STOX2: variants seen among roughly 807,000 people sequenced by gnomAD.
STOX2 encodes the protein storkhead box 2.
A neutral mutation model predicts 60.9 loss-of-function variants in STOX2; 28 were observed. The observed-to-expected ratio is 0.46, with a 90% CI of 0.34 to 0.63. The LOEUF is 0.63. Ranked by LOEUF, STOX2 falls within the 30% of genes least tolerant of loss-of-function variation. The pLI is 0.01. For synonymous variants in STOX2, 472 were observed against 463.9 expected (o/e 1.02, Z -0.22); for missense variants, 1,024 against 1,187.7 (o/e 0.86, Z 2.03).
chr4:183,979,899 G>A (rs1315503008), intron 1 of STOX2, among the ~76,000 whole-genome samples: 1 of 152,096 alleles, frequency 6.6e-6, no homozygotes, highest in Non-Finnish European at 1.5e-5. Context: ...TTTAGGCCCG[G>A]TCATGCCGAG....
At chr4:183,875,530 G>A (rs979257414) in intron 1 of STOX2, among the ~76,000 whole-genome samples, 1 of 152,222 alleles carries the variant, frequency 6.6e-6, no homozygotes, top group Non-Finnish European at 1.5e-5. Flanking sequence ...TCACTGTGTG[G>A]GAGCCCGAGG....
Position 183,915,497 on chromosome 4 carries a change from G to A in STOX2, c.166+8541G>A, listed in dbSNP as rs191775002. 2.5e-4 allele frequency among the ~76,000 whole-genome samples: 38 copies of A among 151,550 alleles called. No individual in the cohort carries two copies. In the East Asian group the frequency reaches 4.3e-3, roughly 17 times the overall value. On this transcript the variant is annotated intron_variant, in intron 1 of 3. Transcript: ENST00000308497. ...TCGGTGTCATTCCTCATTGTTACGC[G>A]TCGAATGTGTCCGCCCAAAAGATAG...
chr4:183,994,500 G>A (rs1733248234), intron 1 of STOX2, among the ~76,000 whole-genome samples: 1 of 152,162 alleles, frequency 6.6e-6, no homozygotes, highest in African/African-American at 2.4e-5. Context: ...TCAGATGAGT[G>A]TTAAAATAGT....
At position 183,906,054 on chromosome 4, in the gene STOX2, G is replaced by T. The variant is rs1303326581; in HGVS notation, c.-737G>T. 2 of 152,160 alleles carry T rather than the reference G, an allele frequency of 1.3e-5. No individual in the cohort carries two copies. Among genetic ancestry groups the T allele is most frequent in the Non-Finnish European group, 2.9e-5 (2 of 68,026 alleles). The allele number at this position is 152,160 out of a possible 1,614,324, so 9.4% of individuals were successfully genotyped here. A position where few individuals can be genotyped will look rare whatever the true frequency, so the allele number is the denominator to read the frequency against. ...ACGACGCGGGCTCTTCCTGGATTCC[G>T]CAGGAGCCCGCCCGCCGCAGCTGCT... On this transcript the variant is annotated 5_prime_UTR_variant, in exon 1 of 4. Transcript: ENST00000308497.
intron 1 of STOX2, among the ~76,000 whole-genome samples, chr4:183,996,527 G>A (rs1490989870): frequency 6.6e-6 from 1 of 152,178 alleles, no homozygotes; most frequent in Non-Finnish European, 1.5e-5. Flanking sequence ...ATAAATAAAT[G>A]TGGTCCGGTA....
chr4:183,925,628 A>G (rs4862269), intron 1 of STOX2, among the ~76,000 whole-genome samples: 151,605 of 152,342 alleles, frequency 1, 75,440 homozygotes, highest in Middle Eastern at 1. Flanking sequence ...TTTGTCAGAT[A>G]TGACTTTCTG....
chr4:183,803,925 G>A (rs554622500), intron 1 of STOX2, among the ~76,000 whole-genome samples: 181 of 152,122 alleles, frequency 1.2e-3, no homozygotes, highest in Non-Finnish European at 2.2e-3. Context: ...CTGAGATCAC[G>A]ACACTGCACT....
At chr4:183,909,439 A>G (rs1014924873) in intron 1 of STOX2, among the ~76,000 whole-genome samples, 6 of 152,188 alleles carry the variant, frequency 3.9e-5, no homozygotes, top group African/African-American at 1.4e-4. Context: ...CATTTGGTTT[A>G]ATTACTACTG....
At chr4:183,908,347 A>T (rs535244487) in intron 1 of STOX2, among the ~76,000 whole-genome samples, 9 of 152,224 alleles carry the variant, frequency 5.9e-5, no homozygotes, top group Non-Finnish European at 1.3e-4. Flanking sequence ...CCTAAATGCA[A>T]ACCTAACCTC....
At position 183,818,466 on chromosome 4, in the gene STOX2, C is replaced by G. The variant is rs565167496; in HGVS notation, c.364+20411C>G. On this transcript the variant is annotated intron_variant, in intron 1 of 2. Transcript: ENST00000513034. The stretch of plus-strand genomic sequence containing the variant: ...AGGCAGAAGAATTTTTCTTAGTACA[C>G]AACAAAATGGAGTCTCCTATGTCTA... Among the ~76,000 whole-genome samples, 386 of 152,358 alleles carry G rather than the reference C, an allele frequency of 2.5e-3. 3 individuals are homozygous for G. Among genetic ancestry groups the G allele is most frequent in the African/African-American group, 9.1e-3 (378 of 41,578 alleles).
chr4:183,966,761 T>C (rs1271461343), intron 1 of STOX2, among the ~76,000 whole-genome samples: 1 of 152,246 alleles, frequency 6.6e-6, no homozygotes, highest in Non-Finnish European at 1.5e-5. Context: ...AAGTGTGACT[T>C]AATATTTTAA....
At position 184,010,747 on chromosome 4, in the gene STOX2, T is replaced by G. The variant is rs575568620; in HGVS notation, c.1909T>G (p.Ser637Ala). Residue 637 changes from serine to alanine, a missense_variant, in exon 3 of 4, where the codon TCC becomes GCC. Around this residue, in one of 3 missense-constraint regions of STOX2, gnomAD observed 922 missense variants for 1,058.3 expected, o/e 0.87. Coordinates refer to ENST00000308497, the MANE Select transcript of STOX2 (RefSeq NM_020225.3). The surrounding 1 kb of genome is among the most constrained non-coding windows in gnomAD (Gnocchi z 4.5). ...TTTGGCAGAAGGGGTGAAAAAGCTC[T>G]CCCCTTCTGATAGGCAGGTCCCCCA... ...LTLAEGVKKL[S>A]PSDRQVPHSS... The G allele has an allele frequency of 5.7e-6, 9 of 1,588,728 alleles. No individual in the cohort carries two copies. The African/African-American group carries it at 9.4e-5, about 17-fold the overall frequency.
In STOX2 at chr4:183,951,775, C is replaced by T. The variant is rs888314077; in HGVS notation, c.166+44819C>T. The stretch of plus-strand genomic sequence containing the variant: ...CAACATGGTGAAACCCCCGTCTCTA[C>T]TCAAAAAATACAAAAAAATTAGCTG... On this transcript the variant is annotated intron_variant, in intron 1 of 3. Coordinates refer to ENST00000308497, the MANE Select transcript of STOX2 (RefSeq NM_020225.3). 2.6e-5 allele frequency among the ~76,000 whole-genome samples: 4 copies of T among 152,002 alleles called. No homozygotes were observed. The South Asian group carries it at 8.3e-4, about 32-fold the overall frequency.
chr4:183,802,819 C>T (rs1393362699), intron 1 of STOX2, among the ~76,000 whole-genome samples: 2 of 152,196 alleles, frequency 1.3e-5, no homozygotes, highest in African/African-American at 2.4e-5. Context: ...GACGGGGTCT[C>T]ACCGTATTAG....
In STOX2 at chr4:184,022,770, T is replaced by G. The variant is rs1734638595; in HGVS notation, c.*5486T>G. On this transcript the variant is annotated 3_prime_UTR_variant, in exon 4 of 4. Transcript: ENST00000308497. The stretch of plus-strand genomic sequence containing the variant: ...CATGCAGCAGCTCCTCCACTTCCTT[T>G]CCTCCGAGGTCCTCCTTTCCATTCT... 1 of 152,306 alleles carries G rather than the reference T, an allele frequency of 6.6e-6. No homozygotes were observed. The highest frequency in any genetic ancestry group is 2.4e-5 in the African/African-American group (1 of 41,420). 9.4% of individuals were successfully genotyped at this position (152,306 alleles called of 1,614,324 possible).
chr4:183,808,033 C>T (rs938250705), intron 1 of STOX2, among the ~76,000 whole-genome samples: 3 of 152,188 alleles, frequency 2.0e-5, no homozygotes, highest in Non-Finnish European at 2.9e-5. Context: ...CAGATGGACC[C>T]CACATTACAC....
At chr4:183,983,276 A>G (rs1027986088) in intron 1 of STOX2, among the ~76,000 whole-genome samples, 2 of 152,092 alleles carry the variant, frequency 1.3e-5, no homozygotes, top group African/African-American at 4.8e-5. Context: ...CTTTTCTCAT[A>G]TCAGAAATAA....
intron 1 of STOX2, among the ~76,000 whole-genome samples, chr4:183,808,309 G>C (rs1448373354): frequency 1.3e-5 from 2 of 152,186 alleles, no homozygotes; most frequent in Non-Finnish European, 2.9e-5. Flanking sequence ...AGTGCCTCTG[G>C]GCTCCAGGTT....
Position 183,856,531 on chromosome 4 carries a change from G to T in STOX2, c.364+58476G>T. Among the ~76,000 whole-genome samples, 1 of 152,224 alleles carries T rather than the reference G, an allele frequency of 6.6e-6. No homozygotes were observed. Among genetic ancestry groups the T allele is most frequent in the East Asian group, 1.9e-4 (1 of 5,172 alleles). The stretch of plus-strand genomic sequence containing the variant: ...CAGTCTCCATCCAAACTGAAGGGCA[G>T]TTCAGGGATCTGCCTTCCAAAGCCT... On this transcript the variant is annotated intron_variant, in intron 1 of 2. Coordinates refer to the STOX2 transcript ENST00000513034. The surrounding 1 kb of genome is among the most constrained non-coding windows in gnomAD (Gnocchi z 4.0).
Sources: gnomAD v4.1 joint callset for allele counts (sites outside exome capture counted in the v4.1 genomes callset) on GRCh38, gnomAD v4.1.1 for gene constraint, gnomAD v4.1.1 regional missense constraint, Gnocchi (gnomAD v3.1) non-coding constraint, MANE v1.5 for transcripts, NCBI Gene and HGNC (gene_info 2026-07-23, HGNC 2026-07-21) for gene names.